The following MAP4K3 variants were observed in gnomAD, a reference collection of about 807,000 sequenced individuals.
MAP4K3 encodes the protein mitogen-activated protein kinase kinase kinase kinase 3, also known as MAPK/ERK kinase kinase kinase 3.
A neutral mutation model predicts 143.5 loss-of-function variants in MAP4K3; 94 were observed. The ratio of observed to expected loss-of-function variants is 0.65; its 90% CI spans 0.55 to 0.78. MAP4K3 has a LOEUF of 0.78. Ranked by LOEUF, MAP4K3 falls within the 30% of genes least tolerant of loss-of-function variation. The pLI is 0.00. For synonymous variants in MAP4K3, 416 were observed against 347.2 expected (o/e 1.20, Z -2.20); for missense variants, 1,077 against 1,068.1 (o/e 1.01, Z -0.12).
intron 24 of MAP4K3, among the ~76,000 whole-genome samples, chr2:39,273,592 C>T (rs1681126588): frequency 6.6e-6 from 1 of 152,076 alleles, no homozygotes; most frequent in Non-Finnish European, 1.5e-5. Context: ...TATGGAAACA[C>T]AGCCATAATA....
rs1665002677 is a variant in MAP4K3 at position 39,337,521 on chromosome 2, T to C, written c.366+5A>G. 1.9e-6 allele frequency: 3 copies of C among 1,607,532 alleles called. No homozygotes were observed. Among genetic ancestry groups the C allele is most frequent in the East Asian group, 4.5e-5 (2 of 44,746 alleles). On this transcript the variant is annotated splice_donor_5th_base_variant and intron_variant, in intron 5 of 33. Transcript: ENST00000263881. The stretch of plus-strand genomic sequence containing the variant: ...ATGTTATTTTTGAATTAGCACTTGA[T>C]TTACCTGCAGTGTTTCTCTGCTAAC...
At chr2:39,351,186 C>G (rs866062802) in intron 3 of MAP4K3, among the ~76,000 whole-genome samples, 14 of 152,144 alleles carry the variant, frequency 9.2e-5, no homozygotes, top group Admixed American at 2.6e-4. Flanking sequence ...CTATGTACCC[C>G]CTTTTCCCTC....
rs1189039602 is a variant in MAP4K3 at position 39,304,773 on chromosome 2, T to C, written c.1119+3170A>G. On this transcript the variant is annotated intron_variant, in intron 15 of 33. Coordinates refer to ENST00000263881, the MANE Select transcript of MAP4K3 (RefSeq NM_003618.4). Reference sequence around the variant, plus strand: ...TTGTATATCCATGTTTATAGCAGCATTATTCACAATAGCCAAAAGGTAGAA... The same window carrying C: ...TTGTATATCCATGTTTATAGCAGCACTATTCACAATAGCCAAAAGGTAGAA... 3.3e-5 allele frequency among the ~76,000 whole-genome samples: 5 copies of C among 152,184 alleles called. No individual in the cohort carries two copies. In the East Asian group the frequency reaches 7.7e-4, roughly 23 times the overall value.
Position 39,301,750 on chromosome 2 carries a change from G to A in MAP4K3, c.1120-1949C>T, listed in dbSNP as rs527828067. 7.9e-5 allele frequency among the ~76,000 whole-genome samples: 12 copies of A among 152,300 alleles called. 1 individual carries two copies. Among genetic ancestry groups the A allele is most frequent in the Non-Finnish European group, 1.0e-4 (7 of 68,018 alleles). ...TAAAAATAAAGGAAATAGGCCGGGC[G>A]CAGTGGCTCACACCTGTAATCCCAG... On this transcript the variant is annotated intron_variant, in intron 15 of 33. Transcript: ENST00000263881.
chr2:39,285,242 G>A lies in MAP4K3; in HGVS notation c.1587+1610C>T, dbSNP rs139983817. Among the ~76,000 whole-genome samples, 173 of 152,212 alleles carry A rather than the reference G, an allele frequency of 1.1e-3. 1 individual carries two copies. Among genetic ancestry groups the A allele is most frequent in the African/African-American group, 4.0e-3 (165 of 41,536 alleles). The stretch of plus-strand genomic sequence containing the variant: ...CATGCTTCAATATATCACTGATACT[G>A]TTTATCCTATGATAGAGCCATGGAC... On this transcript the variant is annotated intron_variant, in intron 21 of 33. Transcript: ENST00000263881.
At chr2:39,339,056 C>A (rs950666154) in intron 4 of MAP4K3, among the ~76,000 whole-genome samples, 4 of 152,180 alleles carry the variant, frequency 2.6e-5, no homozygotes, top group East Asian at 1.9e-4. Context: ...GTGGGAGAGA[C>A]TATTCTAGAA....
At chr2:39,406,706 C>A (rs1667100766) in intron 1 of MAP4K3, among the ~76,000 whole-genome samples, 1 of 152,068 alleles carries the variant, frequency 6.6e-6, no homozygotes, top group African/African-American at 2.4e-5. Flanking sequence ...AACACCAGAC[C>A]TGTCCTACAA....
intron 2 of MAP4K3, among the ~76,000 whole-genome samples, chr2:39,363,868 T>C (rs1016073642): frequency 7.3e-5 from 11 of 150,732 alleles, no homozygotes; most frequent in African/African-American, 2.7e-4. Context: ...TGAACAGAAA[T>C]TTCTCAAAAA....
At chr2:39,363,013 C>T (rs577426868) in intron 2 of MAP4K3, among the ~76,000 whole-genome samples, 5 of 152,200 alleles carry the variant, frequency 3.3e-5, no homozygotes, top group East Asian at 1.9e-4. Context: ...TGACATTGGA[C>T]GTTATCCTAC....
intron 26 of MAP4K3, among the ~76,000 whole-genome samples, chr2:39,270,345 C>T (rs1486942222): frequency 6.6e-6 from 1 of 152,126 alleles, no homozygotes. Flanking sequence ...TTATGAAACA[C>T]AATACAACTT....
At chr2:39,427,901 A>C (rs1665145660) in intron 1 of MAP4K3, among the ~76,000 whole-genome samples, 1 of 152,158 alleles carries the variant, frequency 6.6e-6, no homozygotes, top group Non-Finnish European at 1.5e-5. Context: ...TCTCCTTAGA[A>C]TAGTTGTCTT....
intron 29 of MAP4K3, among the ~76,000 whole-genome samples, chr2:39,260,198 C>T (rs867711457): frequency 3.9e-5 from 6 of 152,180 alleles, no homozygotes; most frequent in African/African-American, 7.2e-5. Context: ...ACTGCACCCT[C>T]GACCTCCTGG....
intron 6 of MAP4K3, among the ~76,000 whole-genome samples, chr2:39,334,747 C>T (rs1367282089): frequency 6.6e-6 from 1 of 152,096 alleles, no homozygotes; most frequent in African/African-American, 2.4e-5. Context: ...TAGTCAGGTG[C>T]TATTTTAAGC....
At chr2:39,327,215 C>G (rs985769683) in intron 8 of MAP4K3, among the ~76,000 whole-genome samples, 5 of 152,180 alleles carry the variant, frequency 3.3e-5, no homozygotes, top group African/African-American at 1.2e-4. Context: ...TTCACCAAAA[C>G]TATTCCGTCG....
intron 28 of MAP4K3, among the ~76,000 whole-genome samples, chr2:39,261,521 A>ATACAACACT (rs1680567823): frequency 6.6e-6 from 1 of 152,242 alleles, no homozygotes; most frequent in Non-Finnish European, 1.5e-5. Flanking sequence ...GCAAATGCTC[A>ATACAACACT]TACAACACTG....
Position 39,288,299 on chromosome 2 carries a change from A to G in MAP4K3, c.1315-19T>C, listed in dbSNP as rs762109982. ...ACTTAGGCTGAAATAATATAGAAAA[A>G]GAGACCAACAATGAAACATCAAATT... On this transcript the variant is annotated intron_variant, in intron 19 of 33. Coordinates refer to ENST00000263881, the MANE Select transcript of MAP4K3 (RefSeq NM_003618.4). The G allele has an allele frequency of 8.1e-6, 13 of 1,606,034 alleles. No homozygotes were observed. Among genetic ancestry groups the G allele is most frequent in the Non-Finnish European group, 1.1e-5 (13 of 1,173,720 alleles).
At chr2:39,353,752 AGC>A (rs1665525541) in intron 3 of MAP4K3, among the ~76,000 whole-genome samples, 1 of 141,676 alleles carries the variant, frequency 7.1e-6, no homozygotes, top group African/African-American at 2.5e-5. Context: ...CAGCAGCAGC[AGC>A]AGCAGCAGCA....
chr2:39,360,669 C>T (rs1665742081), intron 2 of MAP4K3, among the ~76,000 whole-genome samples: 1 of 152,118 alleles, frequency 6.6e-6, no homozygotes, highest in South Asian at 2.1e-4. Flanking sequence ...CTGGGGAGGG[C>T]TCAGTAAACT....
chr2:39,408,150 C>A (rs1009804713), intron 1 of MAP4K3, among the ~76,000 whole-genome samples: 7 of 152,130 alleles, frequency 4.6e-5, no homozygotes, highest in African/African-American at 1.7e-4. Context: ...ATAAAAAAAA[C>A]CATCTAGATA....
Sources: allele counts gnomAD v4.1 joint callset (sites outside exome capture counted in the v4.1 genomes callset), GRCh38; gene constraint gnomAD v4.1.1; transcripts MANE v1.5; gene names NCBI Gene and HGNC (gene_info 2026-07-23, HGNC 2026-07-21).